Variants in ROBO2 observed in about 807,000 individuals in gnomAD.
ROBO2 encodes roundabout homolog 2.
A neutral mutation model predicts 160.8 loss-of-function variants in ROBO2; 53 were observed. That is an observed-to-expected ratio of 0.33 (90% CI 0.26 to 0.41). The LOEUF (loss-of-function observed/expected upper bound fraction) is 0.41, where lower values mean the gene tolerates loss of function less well. Among genes scored for constraint, ROBO2 ranks in the 10% least tolerant of loss-of-function variants. The pLI is 1.00. For missense variants in ROBO2, 1,577 were observed against 1,722.4 expected, an observed-to-expected ratio of 0.92 and a Z score of 1.49; for synonymous variants, 664 against 611.7, an observed-to-expected ratio of 1.09 and a Z score of -1.26.
rs375460849 is a variant in ROBO2, at chr3:76,084,349, G to A, written c.109+146747G>A. ...TCCACAGCCACCGGAGTCCTAATTA[G>A]TCATTTATCATGTGCCATTAATTAA... On this transcript the variant is annotated intron_variant, in intron 2 of 26. Transcript: ENST00000487694. Among the ~76,000 whole-genome samples the A allele has an allele frequency of 5.9e-5, 9 of 152,134 alleles. No individual in the cohort carries two copies. In the East Asian group the frequency reaches 1.5e-3, roughly 26 times the overall value.
chr3:76,786,482 A>G (rs2062983356), intron 2 of ROBO2, among the ~76,000 whole-genome samples: 1 of 151,206 alleles, frequency 6.6e-6, no homozygotes, highest in African/African-American at 2.4e-5. Flanking sequence ...AAGAAGAGAG[A>G]GAAGGGGGAG....
intron 2 of ROBO2, among the ~76,000 whole-genome samples, chr3:76,334,729 A>G (rs936670006): frequency 6.6e-6 from 1 of 152,200 alleles, no homozygotes; most frequent in Non-Finnish European, 1.5e-5. Flanking sequence ...AGGATCATTG[A>G]ACTAAACAGA....
intron 2 of ROBO2, among the ~76,000 whole-genome samples, chr3:77,005,183 A>G (rs539113904): frequency 8.5e-5 from 13 of 152,244 alleles, no homozygotes; most frequent in African/African-American, 3.1e-4. Context: ...CACCACTGAA[A>G]AGCTTTTCCT....
intron 14 of ROBO2, 50 bp from the exon 16 acceptor site, chr3:77,577,440 C>T (rs748017625): frequency 5.1e-5 from 83 of 1,611,812 alleles, no homozygotes; most frequent in Non-Finnish European, 6.3e-5. Context: ...GTAGCATGAA[C>T]GCACACCAAG....
intron 2 of ROBO2, among the ~76,000 whole-genome samples, chr3:76,825,430 G>A (rs1021434353): frequency 6.6e-6 from 1 of 151,892 alleles, no homozygotes; most frequent in African/African-American, 2.4e-5. Flanking sequence ...AAATAATGTT[G>A]CTTTTAATTC....
chr3:76,495,939 A>G (rs999095605), intron 2 of ROBO2, among the ~76,000 whole-genome samples: 2 of 152,212 alleles, frequency 1.3e-5, no homozygotes, highest in Non-Finnish European at 1.5e-5. Flanking sequence ...ATATTTTGTA[A>G]TGAATTTAAT....
At chr3:76,784,679 G>A (rs2062863955) in intron 2 of ROBO2, among the ~76,000 whole-genome samples, 1 of 151,132 alleles carries the variant, frequency 6.6e-6, no homozygotes, top group Non-Finnish European at 1.5e-5. Flanking sequence ...ACACAAAAGA[G>A]TCATCCTGCA....
At chr3:77,607,199 G>A (rs1008909225) in intron 20 of ROBO2, among the ~76,000 whole-genome samples, 1 of 152,090 alleles carries the variant, frequency 6.6e-6, no homozygotes, top group Non-Finnish European at 1.5e-5. Context: ...AAATAGCTAA[G>A]AACTATTCAC....
chr3:76,539,947 C>G (rs941279668), intron 2 of ROBO2, among the ~76,000 whole-genome samples: 1 of 152,058 alleles, frequency 6.6e-6, no homozygotes, highest in Non-Finnish European at 1.5e-5. Context: ...AAATCTGTAC[C>G]CAGTTTTTGG....
chr3:75,936,370 G>A (rs1486712954), intron 1 of ROBO2, among the ~76,000 whole-genome samples: 1 of 152,034 alleles, frequency 6.6e-6, no homozygotes, highest in African/African-American at 2.4e-5. Flanking sequence ...CATTCATTCT[G>A]GAAATTATTA....
chr3:76,217,092 A>C (rs554546683), intron 2 of ROBO2, among the ~76,000 whole-genome samples: 1 of 152,214 alleles, frequency 6.6e-6, no homozygotes, highest in Non-Finnish European at 1.5e-5. Context: ...GGCAGAAATA[A>C]AGGTGTTCTT....
At chr3:76,161,613 G>C (rs1347498295) in intron 2 of ROBO2, among the ~76,000 whole-genome samples, 1 of 152,012 alleles carries the variant, frequency 6.6e-6, no homozygotes, top group Non-Finnish European at 1.5e-5. Context: ...TTCTCTTCTG[G>C]TTCTCTTTTT....
chr3:77,398,379 GTGATAT>G (rs1351245368), intron 2 of ROBO2, among the ~76,000 whole-genome samples: 1 of 146,456 alleles, frequency 6.8e-6, no homozygotes, highest in African/African-American at 2.6e-5. Flanking sequence ...AACTTTGCCA[GTGATAT>G]TGTTTTGTTC....
intron 2 of ROBO2, among the ~76,000 whole-genome samples, chr3:77,101,766 G>A (rs981987031): frequency 7.2e-5 from 11 of 152,166 alleles, no homozygotes; most frequent in Non-Finnish European, 1.3e-4. Context: ...GGGGCCAGGT[G>A]TGTTGGTTCA....
chr3:77,616,185 T>C (rs1055032753), intron 21 of ROBO2, among the ~76,000 whole-genome samples: 1 of 152,140 alleles, frequency 6.6e-6, no homozygotes, highest in South Asian at 2.1e-4. Flanking sequence ...CTGATGACGT[T>C]TGAAGTGACT....
chr3:76,380,736 CTA>C (rs1418849611), intron 2 of ROBO2, among the ~76,000 whole-genome samples: 1 of 152,104 alleles, frequency 6.6e-6, no homozygotes, highest in Non-Finnish European at 1.5e-5. Context: ...GGATTTTCTA[CTA>C]CACAGGAGGG....
chr3:76,109,829 A>C (rs975536585), intron 2 of ROBO2, among the ~76,000 whole-genome samples: 1 of 151,578 alleles, frequency 6.6e-6, no homozygotes, highest in Non-Finnish European at 1.5e-5. Flanking sequence ...CCACCCTTCA[A>C]TTTTTTGAAC....
At chr3:76,907,057 T>A (rs759729326) in intron 2 of ROBO2, among the ~76,000 whole-genome samples, 71 of 152,196 alleles carry the variant, frequency 4.7e-4, no homozygotes, top group Non-Finnish European at 8.2e-4. Context: ...GTCTGTTTTG[T>A]TAATTACTCT....
chr3:76,048,921 C>T (rs964128183), intron 2 of ROBO2, among the ~76,000 whole-genome samples: 2 of 152,132 alleles, frequency 1.3e-5, no homozygotes, highest in African/African-American at 4.8e-5. Context: ...GAAAATAGCA[C>T]ACCACAGAAA....
Sources: gnomAD v4.1 joint callset for allele counts (sites outside exome capture counted in the v4.1 genomes callset) on GRCh38, gnomAD v4.1.1 for gene constraint, MANE v1.5 for transcripts, NCBI Gene and HGNC (gene_info 2026-07-23, HGNC 2026-07-21) for gene names.